ADAMTS9: variants seen among roughly 807,000 people sequenced by gnomAD.
ADAMTS9 encodes ADAM metallopeptidase with thrombospondin type 1 motif 9, also known as A disintegrin and metalloproteinase with thrombospondin motifs 9.
In ADAMTS9, 107 loss-of-function variants were observed where a neutral mutation model predicts 257.1. The observed-to-expected ratio is 0.42, with a 90% CI of 0.36 to 0.49. The LOEUF (loss-of-function observed/expected upper bound fraction) is 0.49. Among genes scored for constraint, ADAMTS9 ranks in the 20% least tolerant of loss-of-function variants. The pLI is 0.03. For synonymous variants in ADAMTS9, 982 were observed against 880.9 expected, an observed-to-expected ratio of 1.11 and a Z score of -2.03; for missense variants, 2,353 against 2,469.1, an observed-to-expected ratio of 0.95 and a Z score of 1.00.
chr3:64,516,723 T>A lies in ADAMTS9; in HGVS notation c.*404A>T, dbSNP rs537385184. 3 of 152,720 alleles carry A rather than the reference T, an allele frequency of 2.0e-5. No homozygotes were observed. In the East Asian group the frequency reaches 5.8e-4, roughly 29 times the overall value. The allele number at this position is 152,720 out of a possible 1,614,324, so 9.5% of individuals were successfully genotyped here. On this transcript the variant is annotated 3_prime_UTR_variant, in exon 40 of 40. Coordinates refer to ENST00000498707, the MANE Select transcript of ADAMTS9 (RefSeq NM_182920.2). The stretch of plus-strand genomic sequence containing the variant: ...CACCTTGATGATGGCTAGATTGTTT[T>A]AAAAAAATTCATTTTAAAAAAGTAA...
intron 22 of ADAMTS9, among the ~76,000 whole-genome samples, chr3:64,608,028 C>T (rs1398743997): frequency 6.6e-6 from 1 of 151,562 alleles, no homozygotes; most frequent in South Asian, 2.1e-4. Flanking sequence ...ATTCTTAACC[C>T]ATAGGTCAAA....
At chr3:64,610,308 A>G (rs932729524) in intron 22 of ADAMTS9, among the ~76,000 whole-genome samples, 3 of 152,346 alleles carry the variant, frequency 2.0e-5, no homozygotes, top group East Asian at 1.9e-4. Flanking sequence ...TCAACAAAGT[A>G]AAAAGGCAAC....
chr3:64,561,846 C>A, intron 29 of ADAMTS9, 95 bp from the exon 30 acceptor site: 2 of 1,082,176 alleles, frequency 1.8e-6, no homozygotes, highest in East Asian at 2.4e-5. Context: ...GAATGCACTC[C>A]TAATCCAATG....
At chr3:64,548,413 T>A (rs1329090234) in intron 31 of ADAMTS9, among the ~76,000 whole-genome samples, 1 of 152,132 alleles carries the variant, frequency 6.6e-6, no homozygotes, top group Non-Finnish European at 1.5e-5. Context: ...GCCCGGGGTG[T>A]TTCATGCAGA....
intron 16 of ADAMTS9, among the ~76,000 whole-genome samples, chr3:64,627,082 G>C (rs1700240609): frequency 6.6e-6 from 1 of 152,180 alleles, no homozygotes; most frequent in Non-Finnish European, 1.5e-5. Context: ...CTACCCAGCT[G>C]ATGTCTTGAT....
chr3:64,554,262 C>T (rs546243220), intron 30 of ADAMTS9, among the ~76,000 whole-genome samples: 2 of 152,248 alleles, frequency 1.3e-5, no homozygotes, highest in African/African-American at 2.4e-5. Context: ...ATTTTGCCAG[C>T]GGTGGAAAGG....
chr3:64,657,692 A>C (rs2106966578), intron 4 of ADAMTS9, among the ~76,000 whole-genome samples: 1 of 130,176 alleles, frequency 7.7e-6, no homozygotes, highest in Non-Finnish European at 1.7e-5. Flanking sequence ...TAAAATTAGG[A>C]ATTTTTTTTA....
chr3:64,550,812 GCACTCATCCCTC>G (rs1450193165), intron 31 of ADAMTS9, 68 bp downstream of exon 31: 14 of 1,559,900 alleles, frequency 9.0e-6, no homozygotes, highest in East Asian at 4.5e-5. Flanking sequence ...CCACATTCCT[GCACTCATCCCTC>G]CACTCATCCC....
At chr3:64,648,999 C>G (rs932866727) in intron 10 of ADAMTS9, among the ~76,000 whole-genome samples, 1 of 152,196 alleles carries the variant, frequency 6.6e-6, no homozygotes, top group Non-Finnish European at 1.5e-5. Context: ...AAGAAACACA[C>G]ATACGCCACC....
Position 64,516,320 on chromosome 3 carries a change from A to G in ADAMTS9, c.*807T>C, listed in dbSNP as rs2082774358. The G allele has an allele frequency of 6.6e-6, 1 of 152,554 alleles. No homozygotes were observed. Among genetic ancestry groups the G allele is most frequent in the Non-Finnish European group, 1.5e-5 (1 of 68,010 alleles). 9.5% of individuals were successfully genotyped at this position (152,554 alleles called of 1,614,324 possible). A position where few individuals can be genotyped will look rare whatever the true frequency, so the allele number is the denominator to read the frequency against. On this transcript the variant is annotated 3_prime_UTR_variant, in exon 40 of 40. Coordinates refer to ENST00000498707, the MANE Select transcript of ADAMTS9 (RefSeq NM_182920.2). ...TCCTCCATTTGATTGTGGAGAGACC[A>G]AGGCACCGTGGGCTGAAGCAACGAA...
chr3:64,659,473 CAAAAAAA>C (rs60660621), intron 3 of ADAMTS9, among the ~76,000 whole-genome samples: 13 of 90,662 alleles, frequency 1.4e-4, no homozygotes, highest in East Asian at 3.5e-4. Flanking sequence ...CTGTCTCAAA[CAAAAAAA>C]AAAAAAAAAA....
At chr3:64,554,361 T>G (rs1236229361) in intron 30 of ADAMTS9, among the ~76,000 whole-genome samples, 1 of 152,232 alleles carries the variant, frequency 6.6e-6, no homozygotes, top group African/African-American at 2.4e-5. Context: ...GTTTCCTAAA[T>G]TAGTCAACAG....
chr3:64,664,242 G>T (rs577568274), intron 3 of ADAMTS9, among the ~76,000 whole-genome samples: 7 of 152,108 alleles, frequency 4.6e-5, no homozygotes, highest in Non-Finnish European at 1.0e-4. Context: ...TTCCTCCTAC[G>T]TAGTTTTACA....
At chr3:64,543,924 C>T (rs549393727) in intron 32 of ADAMTS9, among the ~76,000 whole-genome samples, 5 of 152,246 alleles carry the variant, frequency 3.3e-5, no homozygotes, top group East Asian at 3.9e-4. Flanking sequence ...GCAAAGTCTC[C>T]GGATACAAAT....
chr3:64,516,719 G>A lies in ADAMTS9; in HGVS notation c.*408C>T, dbSNP rs757530017. On this transcript the variant is annotated 3_prime_UTR_variant, in exon 40 of 40. Transcript: ENST00000498707. ...ATAGCACCTTGATGATGGCTAGATT[G>A]TTTTAAAAAAATTCATTTTAAAAAA... 2 of 152,506 alleles carry A rather than the reference G, an allele frequency of 1.3e-5. No homozygotes were observed. The highest frequency in any genetic ancestry group is 2.9e-5 in the Non-Finnish European group (2 of 68,022). 9.4% of individuals were successfully genotyped at this position (152,506 alleles called of 1,614,324 possible). A position where few individuals can be genotyped will look rare whatever the true frequency, so the allele number is the denominator to read the frequency against.
At position 64,568,583 on chromosome 3, in the gene ADAMTS9, G is replaced by A. The variant is rs78719559; in HGVS notation, c.4357-48C>T. 30,501 of 1,596,602 alleles carry A rather than the reference G, an allele frequency of 0.019. 3,010 individuals carry two copies. In the East Asian group the frequency reaches 0.24, roughly 13 times the overall value. ...GGTTGTTGTTGTTTTTTAATTACAC[G>A]GAGTTTGAGAAAAAACCTGCGTCTT... On this transcript the variant is annotated intron_variant, in intron 28 of 39. Coordinates refer to ENST00000498707, the MANE Select transcript of ADAMTS9 (RefSeq NM_182920.2).
rs1231194355 is a variant in ADAMTS9 at position 64,651,125 on chromosome 3, T to C, written c.1355A>G (p.Glu452Gly). ...ATGCTGGGGACTCTTAACTCCTTCT[T>C]CTTTACATTTGTTGTTGTCATCATG... is the stretch of plus-strand genomic sequence containing the variant. ...MPHDDNNKCK[E>G]EGVKSPQHVM... is the part of the protein sequence containing the mutation. Residue 452 changes from glutamate to glycine, a missense_variant, in exon 9 of 40, where the codon GAA becomes GGA. By Grantham distance (98) the Glu-to-Gly change is moderately conservative (BLOSUM62 -2). Coordinates refer to ENST00000498707, the MANE Select transcript of ADAMTS9 (RefSeq NM_182920.2). The C allele has an allele frequency of 1.3e-6, 2 of 1,595,322 alleles. No individual in the cohort carries two copies. The highest frequency in any genetic ancestry group is 1.7e-6 in the Non-Finnish European group (2 of 1,173,622).
At chr3:64,563,812 G>A (rs1576024601) in intron 29 of ADAMTS9, among the ~76,000 whole-genome samples, 1 of 152,326 alleles carries the variant, frequency 6.6e-6, no homozygotes, top group Admixed American at 6.5e-5. Context: ...GTACAAGCCT[G>A]CCTTTCTGAA....
intron 38 of ADAMTS9, among the ~76,000 whole-genome samples, chr3:64,523,426 G>A (rs1465915638): frequency 6.6e-6 from 1 of 152,166 alleles, no homozygotes; most frequent in East Asian, 1.9e-4. Context: ...TTGTGGAATA[G>A]TGGAATAGTT....
Sources: allele counts gnomAD v4.1 joint callset (sites outside exome capture counted in the v4.1 genomes callset), GRCh38; gene constraint gnomAD v4.1.1; transcripts MANE v1.5; gene names NCBI Gene and HGNC (gene_info 2026-07-23, HGNC 2026-07-21).